The following DLGAP2 variants were observed in gnomAD, a reference collection of about 807,000 sequenced individuals.
DLGAP2 encodes the protein DLG associated protein 2.
Under a neutral mutation model 100.3 loss-of-function variants are expected in DLGAP2, and 26 were observed. The observed-to-expected ratio is 0.26, with a 90% CI of 0.19 to 0.36. DLGAP2 has a LOEUF of 0.36. Among genes scored for constraint, DLGAP2 ranks in the 10% least tolerant of loss-of-function variants. The pLI, the probability that DLGAP2 is intolerant of heterozygous loss-of-function variation, is 1.00. For synonymous variants in DLGAP2, 886 were observed against 630.1 expected, an observed-to-expected ratio of 1.41 and a Z score of -6.08; for missense variants, 1,858 against 1,453.2, an observed-to-expected ratio of 1.28 and a Z score of -4.53.
intron 3 of DLGAP2, among the ~76,000 whole-genome samples, chr8:1,459,229 G>A (rs28433671): frequency 3.4e-3 from 251 of 73,194 alleles, no homozygotes; most frequent in East Asian, 0.012. Flanking sequence ...CAAGACCAGC[G>A]TGCGTCCCAG....
chr8:1,094,341 C>T lies in DLGAP2; in HGVS notation c.74-164510C>T, dbSNP rs112658482. 2.6e-5 allele frequency among the ~76,000 whole-genome samples: 4 copies of T among 152,180 alleles called. No homozygotes were observed. In the East Asian group the frequency reaches 7.7e-4, roughly 29 times the overall value. ...AAATGATTTCTTTCCAATCCACTAA[C>T]GGAGTTAGAAAGTCACAAGGTGGGT... is the stretch of plus-strand genomic sequence containing the variant. On this transcript the variant is annotated intron_variant, in intron 2 of 14. Transcript: ENST00000637795.
intron 1 of DLGAP2, among the ~76,000 whole-genome samples, chr8:795,747 A>AGGCATCCAGTGAGAG (rs1796016519): frequency 3.9e-5 from 1 of 25,654 alleles, no homozygotes. Flanking sequence ...TCCAGTGAGA[A>AGGCATCCAGTGAGAG]CAGGCGTCCA....
intron 2 of DLGAP2, among the ~76,000 whole-genome samples, chr8:1,255,667 G>GTCTCCTGCCCAGGTGCTGTGTGTGTGTCC (rs1799186378): frequency 1.9e-5 from 1 of 53,428 alleles, no homozygotes; most frequent in African/African-American, 9.8e-5. Context: ...TGTGTGTGTC[G>GTCTCCTGCCCAGGTGCTGTGTGTGTGTCC]TCTCCTGCCT....
chr8:1,347,702 C>G (rs1270445582), intron 3 of DLGAP2, among the ~76,000 whole-genome samples: 1 of 150,706 alleles, frequency 6.6e-6, no homozygotes, highest in African/African-American at 2.5e-5. Flanking sequence ...GGCTGAGTTC[C>G]TATACAGAGC....
intron 2 of DLGAP2, among the ~76,000 whole-genome samples, chr8:958,879 A>G (rs1038637809): frequency 1.3e-5 from 2 of 152,228 alleles, no homozygotes; most frequent in African/African-American, 2.4e-5. Flanking sequence ...AATCTTATAC[A>G]TACAAACTAT....
chr8:1,688,744 G>T (rs944561605), intron 12 of DLGAP2, among the ~76,000 whole-genome samples: 1 of 152,194 alleles, frequency 6.6e-6, no homozygotes, highest in Non-Finnish European at 1.5e-5. Flanking sequence ...CTACCCAGGA[G>T]AAAATCACTT....
chr8:800,808 G>A (rs1309018450), intron 1 of DLGAP2, among the ~76,000 whole-genome samples: 2 of 152,164 alleles, frequency 1.3e-5, no homozygotes, highest in Non-Finnish European at 2.9e-5. Flanking sequence ...TGCAGGCAGG[G>A]CTGTGACATT....
At chr8:973,673 C>G (rs1800082539) in intron 2 of DLGAP2, among the ~76,000 whole-genome samples, 1 of 152,256 alleles carries the variant, frequency 6.6e-6, no homozygotes, top group African/African-American at 2.4e-5. Flanking sequence ...TCTGCTTTTT[C>G]TCAGTTCCAG....
chr8:1,241,623 T>G (rs1798799079), intron 2 of DLGAP2, among the ~76,000 whole-genome samples: 1 of 152,234 alleles, frequency 6.6e-6, no homozygotes. Context: ...CACACTGGTC[T>G]TAGGCATTTG....
At position 1,197,589 on chromosome 8, in the gene DLGAP2, C is replaced by G. The variant is rs536132487; in HGVS notation, c.74-61262C>G. On this transcript the variant is annotated intron_variant, in intron 2 of 14. Transcript: ENST00000637795. Reference sequence around the variant, plus strand: ...CAGGCCACCAGCTGTCCACCTAAACCTGAGCGAAGCCAATGTGGAGCATCT... The same window carrying G: ...CAGGCCACCAGCTGTCCACCTAAACGTGAGCGAAGCCAATGTGGAGCATCT... Among the ~76,000 whole-genome samples, 208 of 151,622 alleles carry G rather than the reference C, an allele frequency of 1.4e-3. 2 individuals carry two copies. Among genetic ancestry groups the G allele is most frequent in the Middle Eastern group, 6.8e-3 (2 of 292 alleles).
At chr8:1,203,052 G>A (rs559498190) in intron 2 of DLGAP2, among the ~76,000 whole-genome samples, 6 of 152,192 alleles carry the variant, frequency 3.9e-5, no homozygotes, top group South Asian at 2.1e-4. Context: ...CGCCGGTTCC[G>A]TAAGCTGCTC....
At chr8:1,278,737 AAATG>A (rs532267117) in intron 3 of DLGAP2, among the ~76,000 whole-genome samples, 88 of 152,344 alleles carry the variant, frequency 5.8e-4, no homozygotes, top group Admixed American at 1.0e-3. Context: ...TTCATTTGAT[AAATG>A]AATTACATAA....
At chr8:1,448,435 C>G (rs1052446736) in intron 3 of DLGAP2, among the ~76,000 whole-genome samples, 2 of 152,174 alleles carry the variant, frequency 1.3e-5, no homozygotes, top group Non-Finnish European at 2.9e-5. Context: ...AGTTTGATTG[C>G]ACTGTGGTCT....
At chr8:1,163,388 C>T (rs532904565) in intron 2 of DLGAP2, among the ~76,000 whole-genome samples, 1 of 152,282 alleles carries the variant, frequency 6.6e-6, no homozygotes, top group South Asian at 2.1e-4. Flanking sequence ...GCGGTTCCGG[C>T]TGGAGACGGG....
At chr8:1,536,086 C>T (rs1156701854) in intron 4 of DLGAP2, among the ~76,000 whole-genome samples, 5 of 152,188 alleles carry the variant, frequency 3.3e-5, no homozygotes, top group Non-Finnish European at 7.3e-5. Context: ...TTGTGACAGT[C>T]AACTCGGTGT....
At chr8:1,073,035 T>G (rs1803483881) in intron 2 of DLGAP2, among the ~76,000 whole-genome samples, 1 of 152,238 alleles carries the variant, frequency 6.6e-6, no homozygotes, top group Non-Finnish European at 1.5e-5. Flanking sequence ...CCTCTGATCT[T>G]ATGTTGTCAC....
chr8:777,794 C>G (rs1227510051), intron 1 of DLGAP2, among the ~76,000 whole-genome samples: 11 of 152,118 alleles, frequency 7.2e-5, no homozygotes, highest in Admixed American at 7.2e-4. Flanking sequence ...TTTTTTCCTT[C>G]GTTTTGACTT....
chr8:1,431,960 T>C (rs1283702117), intron 3 of DLGAP2, among the ~76,000 whole-genome samples: 1 of 150,748 alleles, frequency 6.6e-6, no homozygotes, highest in Non-Finnish European at 1.5e-5. Flanking sequence ...CCAGCACCGC[T>C]ACGGCTGCCA....
intron 2 of DLGAP2, among the ~76,000 whole-genome samples, chr8:1,124,826 T>C (rs1467828681): frequency 6.6e-6 from 1 of 152,312 alleles, no homozygotes; most frequent in East Asian, 1.9e-4. Context: ...TAGAAGCCAG[T>C]CTGCAGGATG....
Sources: allele counts gnomAD v4.1 joint callset (sites outside exome capture counted in the v4.1 genomes callset), GRCh38; gene constraint gnomAD v4.1.1; transcripts MANE v1.5; gene names NCBI Gene and HGNC (gene_info 2026-07-23, HGNC 2026-07-21).